The following KCNH7 variants were observed in gnomAD, a reference collection of about 807,000 sequenced individuals.
The protein encoded by KCNH7 is potassium voltage-gated channel subfamily H member 7, also known as voltage-gated inwardly rectifying potassium channel KCNH7.
In KCNH7, 49 loss-of-function variants were observed where a neutral mutation model predicts 120.8. The ratio of observed to expected loss-of-function variants is 0.41; its 90% CI spans 0.32 to 0.51. The LOEUF (loss-of-function observed/expected upper bound fraction) is 0.51, where lower values mean the gene tolerates loss of function less well. KCNH7 is among the 20% of genes least tolerant of loss of function. The pLI, the probability that KCNH7 is intolerant of heterozygous loss-of-function variation, is 0.38. For missense variants in KCNH7, 1,097 were observed against 1,446.6 expected (o/e 0.76, Z 3.92); for synonymous variants, 547 against 516.1 (o/e 1.06, Z -0.81).
chr2:162,415,270 A>G (rs1385987136), intron 9 of KCNH7, among the ~76,000 whole-genome samples: 1 of 152,070 alleles, frequency 6.6e-6, no homozygotes, highest in Non-Finnish European at 1.5e-5. Flanking sequence ...CTTGGTCTAA[A>G]TAAACTCTCT....
At chr2:162,773,282 G>A (rs1683124882) in intron 2 of KCNH7, among the ~76,000 whole-genome samples, 1 of 152,136 alleles carries the variant, frequency 6.6e-6, no homozygotes, top group Admixed American at 6.5e-5. Context: ...GAGGCCAAGA[G>A]TTCGAGACCA....
At chr2:162,791,157 T>G (rs1328595914) in intron 2 of KCNH7, among the ~76,000 whole-genome samples, 1 of 152,128 alleles carries the variant, frequency 6.6e-6, no homozygotes, top group Non-Finnish European at 1.5e-5. Context: ...CAGTTGCATT[T>G]CAATACACTA....
chr2:162,672,907 T>C (rs1326931853), intron 2 of KCNH7, among the ~76,000 whole-genome samples: 1 of 151,896 alleles, frequency 6.6e-6, no homozygotes, highest in African/African-American at 2.4e-5. Flanking sequence ...ATAGTTTAAA[T>C]AACAAGACAA....
At position 162,774,077 on chromosome 2, in the gene KCNH7, A is replaced by G. The variant is rs977554525; in HGVS notation, c.307+62460T>C. Among the ~76,000 whole-genome samples, 56 of 152,246 alleles carry G rather than the reference A, an allele frequency of 3.7e-4. 1 individual carries two copies. The highest frequency in any genetic ancestry group is 1.3e-3 in the African/African-American group (54 of 41,574). ...ATGGATTAGTGATTTCTTTTTTGGG[A>G]GAGTAAGTTCAAGGGATATACCATG... is the stretch of plus-strand genomic sequence containing the variant. On this transcript the variant is annotated intron_variant, in intron 2 of 15. Transcript: ENST00000332142.
intron 6 of KCNH7, among the ~76,000 whole-genome samples, chr2:162,476,877 C>T (rs1397228113): frequency 1.3e-5 from 2 of 152,140 alleles, no homozygotes; most frequent in Non-Finnish European, 2.9e-5. Flanking sequence ...TGGTTATGCA[C>T]ATTATTAAGT....
In KCNH7 at chr2:162,518,270, A is replaced by C. The variant is rs1691387814; in HGVS notation, c.464-112T>G. On this transcript the variant is annotated intron_variant, in intron 3 of 15. Coordinates refer to ENST00000332142, the MANE Select transcript of KCNH7 (RefSeq NM_033272.4). ...CACCATGTAAAAATAATTTTGAATC[A>C]ATGGTTATAGTTGGAATAGAGGATA... is the stretch of plus-strand genomic sequence containing the variant. 10 of 793,110 alleles carry C rather than the reference A, an allele frequency of 1.3e-5. No homozygotes were observed. The South Asian group carries it at 1.9e-4, about 15-fold the overall frequency. The allele number at this position is 793,110 out of a possible 1,614,324, so 49.1% of individuals were successfully genotyped here.
At chr2:162,613,434 T>C (rs1308020308) in intron 2 of KCNH7, among the ~76,000 whole-genome samples, 1 of 151,902 alleles carries the variant, frequency 6.6e-6, no homozygotes, top group African/African-American at 2.4e-5. Context: ...CTCAGGCAAA[T>C]GAAAAAATTC....
intron 2 of KCNH7, among the ~76,000 whole-genome samples, chr2:162,757,561 A>T (rs1322569651): frequency 6.6e-6 from 1 of 152,206 alleles, no homozygotes; most frequent in Admixed American, 6.6e-5. Context: ...AAAAATGTAT[A>T]TATCTTTAGA....
chr2:162,731,321 A>G (rs1289692582), intron 2 of KCNH7, among the ~76,000 whole-genome samples: 4 of 150,254 alleles, frequency 2.7e-5, no homozygotes, highest in Non-Finnish European at 5.9e-5. Flanking sequence ...TAATTGATAT[A>G]CACAAAAAAA....
chr2:162,412,785 G>T (rs761964611), intron 9 of KCNH7, among the ~76,000 whole-genome samples: 1 of 152,098 alleles, frequency 6.6e-6, no homozygotes, highest in Non-Finnish European at 1.5e-5. Flanking sequence ...TTTAAGTGTC[G>T]TATAATCACA....
intron 6 of KCNH7, among the ~76,000 whole-genome samples, chr2:162,489,198 G>A (rs979587972): frequency 3.3e-5 from 5 of 152,106 alleles, no homozygotes; most frequent in African/African-American, 7.2e-5. Flanking sequence ...TATTATATAC[G>A]TAGCATACAA....
chr2:162,756,186 C>T (rs945468625), intron 2 of KCNH7, among the ~76,000 whole-genome samples: 13 of 152,098 alleles, frequency 8.5e-5, no homozygotes, highest in Non-Finnish European at 1.2e-4. Flanking sequence ...ATCTTTCATT[C>T]GAAGTAAATC....
At chr2:162,555,861 A>G (rs1046329176) in intron 2 of KCNH7, among the ~76,000 whole-genome samples, 5 of 152,182 alleles carry the variant, frequency 3.3e-5, no homozygotes, top group African/African-American at 9.6e-5. Flanking sequence ...TTATATTTTA[A>G]CAGGATCATT....
intron 2 of KCNH7, among the ~76,000 whole-genome samples, chr2:162,684,071 C>A (rs1206361226): frequency 3.3e-5 from 5 of 152,068 alleles, no homozygotes; most frequent in African/African-American, 1.2e-4. Flanking sequence ...TGATCTTTGA[C>A]AAACCTGACA....
At chr2:162,491,487 A>C (rs1690306234) in intron 6 of KCNH7, among the ~76,000 whole-genome samples, 1 of 152,152 alleles carries the variant, frequency 6.6e-6, no homozygotes, top group African/African-American at 2.4e-5. Flanking sequence ...GATTCCTGAC[A>C]ATTAGGCCCC....
chr2:162,661,119 T>C (rs1183805914), intron 2 of KCNH7, among the ~76,000 whole-genome samples: 2 of 152,230 alleles, frequency 1.3e-5, no homozygotes, highest in Non-Finnish European at 2.9e-5. Flanking sequence ...CAAGATTCAA[T>C]GTGACAATAT....
intron 2 of KCNH7, among the ~76,000 whole-genome samples, chr2:162,603,131 T>C (rs758263632): frequency 6.6e-6 from 1 of 151,896 alleles, no homozygotes; most frequent in Non-Finnish European, 1.5e-5. Flanking sequence ...TTTTGAGGTG[T>C]AGGGTCACTA....
intron 2 of KCNH7, among the ~76,000 whole-genome samples, chr2:162,691,914 C>T (rs1686118928): frequency 6.6e-6 from 1 of 152,080 alleles, no homozygotes; most frequent in Non-Finnish European, 1.5e-5. Flanking sequence ...ACATCAGTGT[C>T]CCTGAGGTTA....
At chr2:162,673,197 C>T (rs888792703) in intron 2 of KCNH7, among the ~76,000 whole-genome samples, 1 of 151,754 alleles carries the variant, frequency 6.6e-6, no homozygotes, top group Admixed American at 6.6e-5. Context: ...TACAATTGTA[C>T]TGATGCCAAA....
Sources: allele counts gnomAD v4.1 joint callset (sites outside exome capture counted in the v4.1 genomes callset), GRCh38; gene constraint gnomAD v4.1.1; transcripts MANE v1.5; gene names NCBI Gene and HGNC (gene_info 2026-07-23, HGNC 2026-07-21).